Variants in RNF135 observed in about 807,000 individuals in gnomAD.
RNF135 encodes E3 ubiquitin-protein ligase RNF135.
Under a neutral mutation model 41.9 loss-of-function variants are expected in RNF135, and 46 were observed. The ratio of observed to expected loss-of-function variants is 1.10; its 90% CI spans 0.87 to 1.40. RNF135 has a LOEUF of 1.40. Ranked by LOEUF, RNF135 falls within the 40% of genes most tolerant of loss-of-function variation. RNF135 has a pLI of 0.00. For synonymous variants in RNF135, 238 were observed against 223.8 expected, an observed-to-expected ratio of 1.06 and a Z score of -0.57; for missense variants, 539 against 549.8, an observed-to-expected ratio of 0.98 and a Z score of 0.20.
upstream of RNF135, chr17:30,970,853 G>T: frequency 1.6e-6 from 1 of 638,760 alleles, no homozygotes; most frequent in Non-Finnish European, 2.6e-6. Context: ...AGGGCAAGAG[G>T]CCGCCACTGA....
chr17:30,983,353 A>ATATATTTTTTTT (rs1420453160), intron 1 of RNF135, among the ~76,000 whole-genome samples: 1 of 35,742 alleles, frequency 2.8e-5, no homozygotes, highest in Non-Finnish European at 5.4e-5. Context: ...ATATATATAT[A>ATATATTTTTTTT]TTTTTTTTTT....
chr17:30,962,338 T>C, the RNF135 span, among the ~76,000 whole-genome samples: 1 of 152,094 alleles, frequency 6.6e-6, no homozygotes, highest in South Asian at 2.1e-4. Flanking sequence ...TTCACCATGT[T>C]GGCCAGGATG....
intron 1 of RNF135, chr17:30,973,216 TTTG>T (rs938152257): frequency 1.3e-5 from 2 of 152,332 alleles, no homozygotes; most frequent in East Asian, 1.9e-4. Context: ...TGTTTATCTT[TTTG>T]TTGTTGAGTT....
intron 1 of RNF135, chr17:30,971,747 G>C: frequency 7.8e-7 from 1 of 1,274,110 alleles, no homozygotes; most frequent in Non-Finnish European, 9.9e-7. Context: ...TAAAATTGTG[G>C]TAAGATCTAT....
the RNF135 span, among the ~76,000 whole-genome samples, chr17:30,964,223 A>T: frequency 6.6e-6 from 1 of 151,814 alleles, no homozygotes; most frequent in Non-Finnish European, 1.5e-5. Context: ...CCCCGTCTCT[A>T]CTTAAAACAC....
chr17:30,983,808 T>C (rs987312421), intron 1 of RNF135, among the ~76,000 whole-genome samples: 1 of 151,038 alleles, frequency 6.6e-6, no homozygotes, highest in Non-Finnish European at 1.5e-5. Context: ...GAGTGTGAGG[T>C]GGTATCTCAC....
chr17:30,980,652 G>A (rs1379390078), intron 1 of RNF135, among the ~76,000 whole-genome samples: 3 of 137,060 alleles, frequency 2.2e-5, no homozygotes, highest in East Asian at 2.4e-4. Flanking sequence ...CAGACGGAGC[G>A]GCCGGGCAGA....
At chr17:30,974,589 G>C (rs578112888) in intron 1 of RNF135, among the ~76,000 whole-genome samples, 1 of 149,184 alleles carries the variant, frequency 6.7e-6, no homozygotes, top group African/African-American at 2.5e-5. Flanking sequence ...TTCCTTCAGT[G>C]ATTTTTTTTT....
chr17:30,966,279 C>A (rs1371786137), upstream of RNF135, among the ~76,000 whole-genome samples: 1 of 152,010 alleles, frequency 6.6e-6, no homozygotes, highest in East Asian at 1.9e-4. Context: ...TGGAGTCAGC[C>A]ACGTTACAAT....
At chr17:30,966,684 T>G (rs1256892612), upstream of RNF135, among the ~76,000 whole-genome samples, 1 of 151,108 alleles carries the variant, frequency 6.6e-6, no homozygotes, top group Non-Finnish European at 1.5e-5. Flanking sequence ...TTTTTGTATT[T>G]TTAGTAGAGA....
intron 1 of RNF135, chr17:30,971,674 T>TAC: frequency 3.0e-6 from 4 of 1,343,986 alleles, no homozygotes; most frequent in Non-Finnish European, 3.8e-6. Flanking sequence ...ACTTAGCTGT[T>TAC]ACACAGCTTG....
At chr17:30,973,348 A>G (rs1401632574) in intron 1 of RNF135, 1 of 152,128 alleles carries the variant, frequency 6.6e-6, no homozygotes, top group Admixed American at 6.6e-5. Flanking sequence ...TTTGATGTGC[A>G]AAAGTTTTAA....
intron 1 of RNF135, among the ~76,000 whole-genome samples, chr17:30,981,961 C>T (rs1907182741): frequency 6.6e-6 from 1 of 152,230 alleles, no homozygotes; most frequent in Non-Finnish European, 1.5e-5. Flanking sequence ...ACCTTGTGGC[C>T]ATGACCACTA....
upstream of RNF135, chr17:30,970,952 A>G (rs564040417): frequency 2.9e-6 from 4 of 1,361,530 alleles, no homozygotes; most frequent in Admixed American, 2.1e-5. Context: ...GGCGCCAAGG[A>G]AGGAGGAGAA....
rs767119938 is a variant in RNF135 at position 30,984,633 on chromosome 17, G to A, written c.389G>A (p.Ser130Asn). 2.5e-6 allele frequency: 4 copies of A among 1,614,060 alleles called. No individual in the cohort carries two copies. The Admixed American group carries it at 6.7e-5, about 27-fold the overall frequency. Residue 130 changes from serine (S) to asparagine (N), a missense_variant, in exon 2 of 5, where the codon AGC becomes AAC. Around this residue, in one of 2 missense-constraint regions of RNF135, gnomAD observed 277 missense variants for 212.8 expected, o/e 1.30. Coordinates refer to ENST00000328381, the MANE Select transcript of RNF135 (RefSeq NM_032322.4). ...ATTTTGAAGGTGGCAGTAGAGAAGAGCATCACAGAAGTTGCTCAGGAGCTG... is the reference window on the plus strand; with the variant it reads ...ATTTTGAAGGTGGCAGTAGAGAAGAACATCACAGAAGTTGCTCAGGAGCTG... ...PELQRVAVEK[S>N]ITEVAQELTE...
At chr17:30,967,547 A>C (rs1372699826), upstream of RNF135, among the ~76,000 whole-genome samples, 1 of 152,200 alleles carries the variant, frequency 6.6e-6, no homozygotes, top group Non-Finnish European at 1.5e-5. Flanking sequence ...GTTAAGAAGA[A>C]TTAAAAATTT....
chr17:30,994,574 T>G (rs763475251), intron 3 of RNF135, among the ~76,000 whole-genome samples: 1 of 152,102 alleles, frequency 6.6e-6, no homozygotes, highest in African/African-American at 2.4e-5. Flanking sequence ...TACTGTTAAG[T>G]ATGTTTACAT....
chr17:30,974,667 T>C (rs955540566), intron 1 of RNF135, among the ~76,000 whole-genome samples: 1 of 150,612 alleles, frequency 6.6e-6, no homozygotes, highest in South Asian at 2.1e-4. Context: ...GTTATTCCTT[T>C]TTATTATTAT....
Position 30,998,780 on chromosome 17 carries a change from G to T in RNF135, c.888G>T (p.Arg296Ser). The T allele has an allele frequency of 6.2e-7, 1 of 1,613,176 alleles. No homozygotes were observed. The highest frequency in any genetic ancestry group is 1.1e-5 in the South Asian group (1 of 90,960). Residue 296 changes from arginine (R) to serine (S), a missense_variant, in exon 5 of 5, where the codon AGG (arginine) becomes AGT (serine). Physicochemically the swap from Arg to Ser is moderately radical, Grantham distance 110. Coordinates refer to ENST00000328381, the MANE Select transcript of RNF135 (RefSeq NM_032322.4). Reference sequence around the variant, plus strand: ...AACCCTATCGCTGGAGCTGTGAGAGGTTTTCTACCAGCCAGGTCTTATGTT... The same window carrying T: ...AACCCTATCGCTGGAGCTGTGAGAGTTTTTCTACCAGCCAGGTCTTATGTT... ...RPQPYRWSCERFSTSQVLCSQ... is the reference protein window; with the variant it reads ...RPQPYRWSCESFSTSQVLCSQ...
Sources: gnomAD v4.1 joint callset for allele counts (sites outside exome capture counted in the v4.1 genomes callset) on GRCh38, gnomAD v4.1.1 for gene constraint, gnomAD v4.1.1 regional missense constraint, MANE v1.5 for transcripts, NCBI Gene and HGNC (gene_info 2026-07-23, HGNC 2026-07-21) for gene names.